Variants in LHPP observed in about 807,000 individuals in gnomAD.
LHPP encodes the protein phospholysine phosphohistidine inorganic pyrophosphate phosphatase, also known as hLHPP.
LHPP carries 24 observed loss-of-function variants against 30.3 expected under a neutral mutation model. The ratio of observed to expected loss-of-function variants is 0.79; its 90% CI spans 0.57 to 1.11. The LOEUF (loss-of-function observed/expected upper bound fraction) is 1.11, where lower values mean the gene tolerates loss of function less well. Among genes scored for constraint, LHPP ranks in the 50% most tolerant of loss-of-function variants. The pLI, the probability that LHPP is intolerant of heterozygous loss-of-function variation, is 0.00. For synonymous variants in LHPP, 150 were observed against 157.1 expected, an observed-to-expected ratio of 0.95 and a Z score of 0.34; for missense variants, 356 against 367.2, an observed-to-expected ratio of 0.97 and a Z score of 0.25.
intron 1 of LHPP, among the ~76,000 whole-genome samples, chr10:124,468,476 C>T (rs1336650360): frequency 2.0e-5 from 3 of 152,204 alleles, no homozygotes; most frequent in African/African-American, 7.2e-5. Context: ...TGTTATTGTG[C>T]TGTCTGTGGG....
rs114549679 is a variant in LHPP, at chr10:124,466,141, T to C, written c.125+4154T>C. Among the ~76,000 whole-genome samples the C allele has an allele frequency of 6.2e-3, 947 of 151,928 alleles. 12 individuals carry two copies. The highest frequency in any genetic ancestry group is 0.021 in the African/African-American group (884 of 41,274). ...TGGAAGCAGCTCAGATATCCATCAG[T>C]AGGGGAGTTTTAGGGTCTGTCTGTT... On this transcript the variant is annotated intron_variant, in intron 1 of 6. Transcript: ENST00000368842.
intron 6 of LHPP, among the ~76,000 whole-genome samples, chr10:124,525,543 C>T (rs1193653854): frequency 2.6e-5 from 4 of 152,210 alleles, no homozygotes; most frequent in Non-Finnish European, 4.4e-5. Context: ...GTGGCAGTCC[C>T]GGACGCTGGG....
chr10:124,556,870 G>C (rs1214857800), intron 6 of LHPP, among the ~76,000 whole-genome samples: 3 of 152,042 alleles, frequency 2.0e-5, no homozygotes, highest in African/African-American at 7.3e-5. Flanking sequence ...TTAAACGAAG[G>C]CTCTTCTTTA....
chr10:124,558,301 A>G (rs1169025574), intron 6 of LHPP, among the ~76,000 whole-genome samples: 2 of 152,130 alleles, frequency 1.3e-5, no homozygotes, highest in African/African-American at 4.8e-5. Flanking sequence ...CCAGCCAGCC[A>G]CCACCTAGTT....
intron 5 of LHPP, among the ~76,000 whole-genome samples, chr10:124,514,027 C>T (rs1192850766): frequency 6.6e-6 from 1 of 152,216 alleles, no homozygotes; most frequent in Non-Finnish European, 1.5e-5. Flanking sequence ...TGAGCGTCAA[C>T]CAAGTGCCAG....
At position 124,601,872 on chromosome 10, in the gene LHPP, T is replaced by G. The variant is rs577134571; in HGVS notation, c.717-11392T>G. 5.0e-3 allele frequency among the ~76,000 whole-genome samples: 761 copies of G among 152,344 alleles called. 5 individuals carry two copies. The highest frequency in any genetic ancestry group is 8.1e-3 in the Non-Finnish European group (550 of 68,028). On this transcript the variant is annotated intron_variant, in intron 6 of 6. Coordinates refer to ENST00000368842, the MANE Select transcript of LHPP (RefSeq NM_022126.4). ...GCAGATCCCAAGGAATGCAGGCATC[T>G]GGGTGGCCCCACGTGGAGCACCAGC...
intron 6 of LHPP, among the ~76,000 whole-genome samples, chr10:124,552,207 A>ACC (rs1948181267): frequency 6.6e-6 from 1 of 152,164 alleles, no homozygotes; most frequent in African/African-American, 2.4e-5. Flanking sequence ...GCCATGGTGC[A>ACC]CCAGGCACTC....
At chr10:124,566,396 G>A (rs1948491208) in intron 6 of LHPP, among the ~76,000 whole-genome samples, 1 of 152,204 alleles carries the variant, frequency 6.6e-6, no homozygotes, top group African/African-American at 2.4e-5. Flanking sequence ...TGCAGCTTCT[G>A]CCCAGCCTCC....
In LHPP at chr10:124,535,214, C is replaced by T. The variant is rs576854746; in HGVS notation, c.716+17943C>T. 5.9e-5 allele frequency among the ~76,000 whole-genome samples: 9 copies of T among 152,316 alleles called. No homozygotes were observed. In the South Asian group the frequency reaches 1.0e-3, roughly 18 times the overall value. On this transcript the variant is annotated intron_variant, in intron 6 of 6. Coordinates refer to ENST00000368842, the MANE Select transcript of LHPP (RefSeq NM_022126.4). The stretch of plus-strand genomic sequence containing the variant: ...TCCATGAGCTTGTTTACCCACCAGA[C>T]GCCTGTATGAGAGAGAACTGACATC...
At chr10:124,493,579 CTA>C (rs1309226092) in intron 3 of LHPP, 1 of 152,232 alleles carries the variant, frequency 6.6e-6, no homozygotes, top group Non-Finnish European at 1.5e-5. Flanking sequence ...ACCCGACAGA[CTA>C]TGGAAGGTTA....
At position 124,488,544 on chromosome 10, in the gene LHPP, G is replaced by C. The variant is rs1266910241; in HGVS notation, c.436G>C (p.Glu146Gln). The change falls in exon 3 of 7, where the codon GAA becomes CAA. Residue 146 changes from glutamate to glutamine, a missense_variant. By Grantham distance (29) the Glu-to-Gln change is conservative. Transcript: ENST00000368842. ...NNAFQVLMELEKPVLISLGKG... is the reference protein window; with the variant it reads ...NNAFQVLMELQKPVLISLGKG... ...CGCCTTCCAGGTGCTCATGGAGCTGGAAAAACCTGTGCTCATATCACTGGG... is the reference window on the plus strand; with the variant it reads ...CGCCTTCCAGGTGCTCATGGAGCTGCAAAAACCTGTGCTCATATCACTGGG... 5 of 1,613,218 alleles carry C rather than the reference G, an allele frequency of 3.1e-6. No individual in the cohort carries two copies. Among genetic ancestry groups the C allele is most frequent in the East Asian group, 4.5e-5 (2 of 44,824 alleles).
chr10:124,515,143 C>A (rs1277244306), intron 5 of LHPP, among the ~76,000 whole-genome samples: 2 of 152,130 alleles, frequency 1.3e-5, no homozygotes, highest in Non-Finnish European at 2.9e-5. Flanking sequence ...TACATCAGGC[C>A]GCTTGAAGTT....
Position 124,517,338 on chromosome 10 carries a change from T to A in LHPP, c.716+67T>A. The A allele has an allele frequency of 9.4e-7, 1 of 1,065,746 alleles. No individual in the cohort carries two copies. The highest frequency in any genetic ancestry group is 2.9e-5 in the Admixed American group (1 of 33,932). 66.0% of individuals were successfully genotyped at this position (1,065,746 alleles called of 1,614,324 possible). ...GGATGACCACATTCTCATTCTGTTT[T>A]GTTCTTCAAAATAAAGGGGATATTC... On this transcript the variant is annotated intron_variant, in intron 6 of 6. Coordinates refer to ENST00000368842, the MANE Select transcript of LHPP (RefSeq NM_022126.4). The surrounding 1 kb of genome is among the most constrained non-coding windows in gnomAD (Gnocchi z 4.1).
At chr10:124,474,595 C>T (rs11245086) in intron 1 of LHPP, among the ~76,000 whole-genome samples, 60,603 of 152,028 alleles carry the variant, frequency 0.4, 12,377 homozygotes, top group East Asian at 0.59. Flanking sequence ...AGTCACTGAA[C>T]CCCTCCAAAC....
At chr10:124,533,272 C>G (rs1954941113) in intron 6 of LHPP, among the ~76,000 whole-genome samples, 1 of 152,230 alleles carries the variant, frequency 6.6e-6, no homozygotes, top group Admixed American at 6.5e-5. Flanking sequence ...GCTTGGAAAA[C>G]TCGCCCAGGG....
chr10:124,477,828 G>A (rs1429671509), intron 1 of LHPP, among the ~76,000 whole-genome samples: 1 of 152,156 alleles, frequency 6.6e-6, no homozygotes, highest in Non-Finnish European at 1.5e-5. Flanking sequence ...CTGCCAAACT[G>A]AGCCTTTTGA....
chr10:124,510,466 A>G lies in LHPP; in HGVS notation c.625-6714A>G, dbSNP rs1954270192. ...GCTTCCCGGGGCTCTGCCTGGAGGC[A>G]GCCTCGCTTTATCCCGCAGAACCTC... On this transcript the variant is annotated intron_variant, in intron 5 of 6. Transcript: ENST00000368842. The surrounding 1 kb of genome is among the most constrained non-coding windows in gnomAD (Gnocchi z 4.0). Among the ~76,000 whole-genome samples the G allele has an allele frequency of 6.6e-6, 1 of 152,064 alleles. No homozygotes were observed. The highest frequency in any genetic ancestry group is 2.4e-5 in the African/African-American group (1 of 41,404).
chr10:124,517,266 GT>G lies in LHPP; in HGVS notation c.713del (p.Phe238SerfsTer11). 1 of 1,589,672 alleles carries G rather than the reference GT, an allele frequency of 6.3e-7. No homozygotes were observed. On this transcript the variant is annotated frameshift_variant, in exon 6 of 7. Coordinates refer to ENST00000368842, the MANE Select transcript of LHPP (RefSeq NM_022126.4). LOFTEE classifies it high-confidence loss of function. This position sits in a 1 kb window ranked among gnomAD's most constrained non-coding sequence, Gnocchi z 4.1. ...MRALQVRTGK[F>X]RPSDEHHPEV... ...GAGCGCTGCAGGTGCGCACCGGGAA[GT>G]TCAGGTCAGTGCCAGCTGGAGTCAT...
chr10:124,543,358 C>T (rs746036961), intron 6 of LHPP, among the ~76,000 whole-genome samples: 16 of 152,380 alleles, frequency 1.1e-4, no homozygotes, highest in East Asian at 1.9e-4. Flanking sequence ...GGGGTCTGCC[C>T]GCATCCCACA....
Sources: gnomAD v4.1 joint callset for allele counts (sites outside exome capture counted in the v4.1 genomes callset) on GRCh38, gnomAD v4.1.1 for gene constraint, Gnocchi (gnomAD v3.1) non-coding constraint, MANE v1.5 for transcripts, NCBI Gene and HGNC (gene_info 2026-07-23, HGNC 2026-07-21) for gene names.